The following MEF2A variants were observed in gnomAD, a reference collection of about 807,000 sequenced individuals.
MEF2A encodes myocyte-specific enhancer factor 2A.
In MEF2A, 28 loss-of-function variants were observed where a neutral mutation model predicts 55.8. The ratio of observed to expected loss-of-function variants is 0.50; its 90% CI spans 0.37 to 0.69. The LOEUF is 0.69. Among genes scored for constraint, MEF2A ranks in the 30% least tolerant of loss-of-function variants. The probability of loss-of-function intolerance (pLI) is 0.00; values close to 1 mark genes in which losing one functional copy is unlikely to be tolerated. For synonymous variants in MEF2A, 239 were observed against 227.1 expected, an observed-to-expected ratio of 1.05 and a Z score of -0.47; for missense variants, 528 against 626.2, an observed-to-expected ratio of 0.84 and a Z score of 1.67.
chr15:99,690,680 T>G, intron 8 of MEF2A: 2 of 577,556 alleles, frequency 3.5e-6, no homozygotes, highest in South Asian at 3.0e-5. Flanking sequence ...GAGGTTATTG[T>G]GTTAAGTGAA....
intron 4 of MEF2A, among the ~76,000 whole-genome samples, chr15:99,653,771 C>T (rs2047238364): frequency 6.6e-6 from 1 of 152,044 alleles, no homozygotes; most frequent in Admixed American, 6.5e-5. Context: ...TAGAATAACC[C>T]AAAGCTTTAT....
intron 2 of MEF2A, among the ~76,000 whole-genome samples, chr15:99,603,373 A>T (rs866145347): frequency 9.1e-4 from 129 of 141,430 alleles, no homozygotes; most frequent in African/African-American, 1.7e-3. Flanking sequence ...TGTTAGTAAA[A>T]TTTTTTTTTT....
chr15:99,706,693 A>G (rs1276610610), intron 9 of MEF2A, 36 bp from the exon 10 acceptor site: 2 of 1,605,326 alleles, frequency 1.2e-6, no homozygotes, highest in African/African-American at 1.3e-5. Context: ...CATAAATACC[A>G]CATCAGAACA....
chr15:99,674,554 A>G lies in MEF2A; in HGVS notation c.552A>G (p.Thr184=), dbSNP rs2051529027. The part of the protein sequence containing the change: ...DSSMLSPPQT[T]LHRNVSPGAP... The stretch of plus-strand genomic sequence containing the variant: ...GCATGCTCTCTCCACCTCAAACCAC[A>G]TTACATAGAAATGTGTCTCCTGGAG... The change falls in exon 6 of 12, where the codon ACA becomes ACG. Residue 184 remains threonine (T), a synonymous_variant. Coordinates refer to ENST00000557942, the MANE Select transcript of MEF2A (RefSeq NM_001319206.4). 1.9e-6 allele frequency: 3 copies of G among 1,613,942 alleles called. No individual in the cohort carries two copies. The highest frequency in any genetic ancestry group is 1.7e-6 in the Non-Finnish European group (2 of 1,179,866).
intron 8 of MEF2A, among the ~76,000 whole-genome samples, chr15:99,697,219 A>G (rs1283090596): frequency 6.6e-6 from 1 of 152,116 alleles, no homozygotes; most frequent in African/African-American, 2.4e-5. Context: ...TTACCATGGT[A>G]GTAAAAGTCC....
At chr15:99,709,708 A>G (rs1248473520) in intron 10 of MEF2A, among the ~76,000 whole-genome samples, 2 of 152,260 alleles carry the variant, frequency 1.3e-5, no homozygotes, top group Non-Finnish European at 2.9e-5. Context: ...AGTGTTAATG[A>G]TGAGCTGAAA....
intron 4 of MEF2A, among the ~76,000 whole-genome samples, chr15:99,649,086 TAATC>T (rs1458397767): frequency 6.6e-6 from 1 of 152,202 alleles, no homozygotes; most frequent in Non-Finnish European, 1.5e-5. Flanking sequence ...TTTAAAATTT[TAATC>T]AATTTTTTAA....
intron 1 of MEF2A, among the ~76,000 whole-genome samples, chr15:99,572,129 A>G (rs1174056878): frequency 6.6e-6 from 1 of 151,522 alleles, no homozygotes; most frequent in Non-Finnish European, 1.5e-5. Context: ...TCCTCTCAAA[A>G]TCAAGTCCTC....
chr15:99,627,675 T>C (rs2042268266), intron 2 of MEF2A, among the ~76,000 whole-genome samples: 1 of 152,216 alleles, frequency 6.6e-6, no homozygotes, highest in Non-Finnish European at 1.5e-5. Context: ...GTAAAGGGAA[T>C]GTGCATCTCT....
At chr15:99,682,271 G>C (rs1013376595) in intron 7 of MEF2A, among the ~76,000 whole-genome samples, 1 of 152,168 alleles carries the variant, frequency 6.6e-6, no homozygotes, top group Non-Finnish European at 1.5e-5. Flanking sequence ...CTGTAATTGA[G>C]ATCAAGTTCT....
chr15:99,631,716 G>T (rs375348193), intron 2 of MEF2A, among the ~76,000 whole-genome samples: 14 of 151,890 alleles, frequency 9.2e-5, no homozygotes, highest in East Asian at 7.7e-4. Flanking sequence ...TTTATTAGAA[G>T]TAGGTGAACA....
chr15:99,674,689 T>G (rs2051574245), intron 6 of MEF2A, 77 bp downstream of exon 6: 2 of 1,192,422 alleles, frequency 1.7e-6, no homozygotes, highest in South Asian at 2.7e-5. Flanking sequence ...AGCAGTTTCT[T>G]ATTTTGCTAT....
chr15:99,673,652 A>G (rs2051317594), intron 5 of MEF2A, among the ~76,000 whole-genome samples: 1 of 152,198 alleles, frequency 6.6e-6, no homozygotes, highest in Admixed American at 6.5e-5. Context: ...AAAATAGAAA[A>G]TAGAAAAAAG....
At chr15:99,591,864 T>TA (rs765271162) in intron 1 of MEF2A, among the ~76,000 whole-genome samples, 19 of 152,272 alleles carry the variant, frequency 1.2e-4, no homozygotes, top group Admixed American at 1.1e-3. Context: ...TTTGTTCCTT[T>TA]AAAAAAATCG....
intron 9 of MEF2A, chr15:99,706,490 A>G (rs2058054396): frequency 1.5e-5 from 7 of 461,168 alleles, no homozygotes; most frequent in Admixed American, 3.5e-5. Context: ...AGAAGTTCCT[A>G]TTTTAACGTG....
At position 99,714,204 on chromosome 15, in the gene MEF2A, C is replaced by T. The variant is rs149125295; in HGVS notation, c.*1433C>T. On this transcript the variant is annotated 3_prime_UTR_variant, in exon 12 of 12. Transcript: ENST00000557942. ...CAAAAAAAATTGGTGTTAAGTTCAT[C>T]CTGCATAAGTATAAAATGTGTTGTA... 1 of 152,204 alleles carries T rather than the reference C, an allele frequency of 6.6e-6. No individual in the cohort carries two copies. The highest frequency in any genetic ancestry group is 1.9e-4 in the East Asian group (1 of 5,188). The allele number at this position is 152,204 out of a possible 1,614,324, so 9.4% of individuals were successfully genotyped here.
At chr15:99,706,606 C>A in intron 9 of MEF2A, 123 bp from the exon 10 acceptor site, 2 of 1,062,956 alleles carry the variant, frequency 1.9e-6, no homozygotes, top group South Asian at 1.4e-5. Flanking sequence ...GTTTTCACAT[C>A]ATCAGTGCTT....
At chr15:99,565,569 G>C (rs1596135053), upstream of MEF2A, 2 of 151,768 alleles carry the variant, frequency 1.3e-5, no homozygotes, top group South Asian at 2.1e-4. Context: ...CCCTCATCAA[G>C]TGACCAGTAT....
At chr15:99,696,545 A>T (rs2056507254) in intron 8 of MEF2A, among the ~76,000 whole-genome samples, 1 of 152,112 alleles carries the variant, frequency 6.6e-6, no homozygotes, top group Non-Finnish European at 1.5e-5. Flanking sequence ...AAATACATAT[A>T]GCCAAATGAA....
Sources: gnomAD v4.1 joint callset for allele counts (sites outside exome capture counted in the v4.1 genomes callset) on GRCh38, gnomAD v4.1.1 for gene constraint, MANE v1.5 for transcripts, NCBI Gene and HGNC (gene_info 2026-07-23, HGNC 2026-07-21) for gene names.